The following SGO1 variants were observed in gnomAD, a reference collection of about 807,000 sequenced individuals.
SGO1 encodes shugoshin 1, also known as serologically defined breast cancer antigen NY-BR-85.
SGO1 carries 39 observed loss-of-function variants against 50.5 expected under a neutral mutation model. That is an observed-to-expected ratio of 0.77 (90% CI 0.60 to 1.01). The LOEUF (loss-of-function observed/expected upper bound fraction) is 1.01, where lower values mean the gene tolerates loss of function less well. Among genes scored for constraint, SGO1 ranks in the 50% least tolerant of loss-of-function variants. SGO1 has a pLI of 0.00. For synonymous variants in SGO1, 191 were observed against 205.1 expected (o/e 0.93, Z 0.59); for missense variants, 638 against 606.0 (o/e 1.05, Z -0.55).
chr3:20,183,314 A>G (rs1011175364), intron 3 of SGO1, among the ~76,000 whole-genome samples: 1 of 152,220 alleles, frequency 6.6e-6, no homozygotes, highest in African/African-American at 2.4e-5. Context: ...TGACTCACTT[A>G]GTTGAACATT....
At chr3:20,161,140 T>C (rs1181534553) in exon 9 of SGO1, 1 of 1,613,832 alleles carries the variant, frequency 6.2e-7, no homozygotes, top group Non-Finnish European at 8.5e-7. Flanking sequence ...AGTTTACATT[T>C]CCTACAGTCT....
chr3:20,176,732 T>C, intron 4 of SGO1, 73 bp from the exon 5 acceptor site: 1 of 1,051,952 alleles, frequency 9.5e-7, no homozygotes, highest in Non-Finnish European at 1.4e-6. Flanking sequence ...TTTCCTAAAT[T>C]ATAATTTTTC....
rs9868701 is a variant in SGO1 at position 20,174,566 on chromosome 3, T to C, written c.965A>G (p.Gln322Arg). ...NKSENKKTVPQKKMHKSVSSN... is the reference protein window; with the variant it reads ...NKSENKKTVPRKKMHKSVSSN... The stretch of plus-strand genomic sequence containing the variant: ...ACTGACAGATTTGTGCATTTTTTTT[T>C]GGGGAACAGTTTTTTTATTTTCGCT... Residue 322 changes from glutamine to arginine, a missense_variant, in exon 6 of 8, where the codon CAA becomes CGA. Gln to Arg is a conservative substitution (Grantham distance 43). Coordinates refer to ENST00000412997, the MANE Select transcript of SGO1 (RefSeq NM_001199251.3). 1.9e-6 allele frequency: 3 copies of C among 1,605,200 alleles called. No homozygotes were observed. Among genetic ancestry groups the C allele is most frequent in the South Asian group, 1.1e-5 (1 of 88,130 alleles).
intron 8 of SGO1, among the ~76,000 whole-genome samples, chr3:20,164,117 A>G (rs952272147): frequency 6.6e-6 from 1 of 152,224 alleles, no homozygotes; most frequent in Non-Finnish European, 1.5e-5. Context: ...AAAGCTAGAA[A>G]AAATTTAAGA....
intron 6 of SGO1, 65 bp from the exon 7 acceptor site, chr3:20,171,297 C>T: frequency 7.4e-7 from 1 of 1,344,500 alleles, no homozygotes; most frequent in Non-Finnish European, 1.0e-6. Context: ...TTAAATTGTA[C>T]TCAATTGTAT....
chr3:20,170,113 T>C lies in SGO1; in HGVS notation c.*591A>G, dbSNP rs1272898901. 2 of 985,226 alleles carry C rather than the reference T, an allele frequency of 2.0e-6. No individual in the cohort carries two copies. Among genetic ancestry groups the C allele is most frequent in the Non-Finnish European group, 2.4e-6 (2 of 829,728 alleles). The allele number at this position is 985,226 out of a possible 1,614,324, so 61.0% of individuals were successfully genotyped here. ...TCATTTCTACAATGTTTGTATAAGA[T>C]ACATTTTGGGCTGGGCACAGTGGCT... On this transcript the variant is annotated 3_prime_UTR_variant, in exon 8 of 8. Transcript: ENST00000412997.
intron 3 of SGO1, among the ~76,000 whole-genome samples, chr3:20,179,404 A>C (rs549406205): frequency 6.6e-5 from 10 of 152,220 alleles, no homozygotes; most frequent in Non-Finnish European, 1.3e-4. Context: ...GAGAGGGTAT[A>C]AGATGAGTCT....
upstream of SGO1, chr3:20,186,414 C>G (rs1025097893): frequency 2.0e-5 from 3 of 152,336 alleles, no homozygotes; most frequent in Admixed American, 2.0e-4. Context: ...ACTTTCTAAT[C>G]AGAGTCGTGG....
chr3:20,180,704 T>C (rs531296732), intron 3 of SGO1, among the ~76,000 whole-genome samples: 2 of 152,332 alleles, frequency 1.3e-5, no homozygotes, highest in South Asian at 4.1e-4. Context: ...AGATGACAAT[T>C]CTCACTCAAT....
intron 5 of SGO1, 66 bp downstream of exon 5, chr3:20,176,535 G>T (rs1701408545): frequency 9.6e-6 from 9 of 935,232 alleles, no homozygotes; most frequent in Middle Eastern, 2.5e-4. Flanking sequence ...AAATTTAATT[G>T]TATTATTTGT....
intron 1 of SGO1, among the ~76,000 whole-genome samples, 187 bp from the exon 2 acceptor site, chr3:20,184,221 C>G (rs914954893): frequency 6.6e-6 from 1 of 152,148 alleles, no homozygotes; most frequent in Non-Finnish European, 1.5e-5. Context: ...CTGATATTCT[C>G]TCTTCCTCCT....
chr3:20,165,494 G>A (rs183031371), downstream of SGO1, among the ~76,000 whole-genome samples: 325 of 152,198 alleles, frequency 2.1e-3, 2 homozygotes, highest in African/African-American at 7.5e-3. Context: ...ATTCCCAAGG[G>A]AGAAAAATTA....
chr3:20,166,329 A>G (rs1480038936), downstream of SGO1, among the ~76,000 whole-genome samples: 1 of 152,208 alleles, frequency 6.6e-6, no homozygotes, highest in Non-Finnish European at 1.5e-5. Context: ...CATTTCTTCA[A>G]AGATATACAA....
chr3:20,183,535 T>C (rs548860133), intron 3 of SGO1, 73 bp downstream of exon 3: 5 of 1,213,606 alleles, frequency 4.1e-6, no homozygotes, highest in African/African-American at 3.1e-5. Flanking sequence ...TTCATTTAAA[T>C]AACATAATTG....
rs561060480 is a variant in SGO1 at position 20,170,300 on chromosome 3, A to T, written c.*404T>A. 35 of 506,448 alleles carry T rather than the reference A, an allele frequency of 6.9e-5. No homozygotes were observed. Among genetic ancestry groups the T allele is most frequent in the African/African-American group, 8.4e-5 (4 of 47,878 alleles). 31.4% of individuals were successfully genotyped at this position (506,448 alleles called of 1,614,324 possible). A position where few individuals can be genotyped will look rare whatever the true frequency, so the allele number is the denominator to read the frequency against. On this transcript the variant is annotated 3_prime_UTR_variant, in exon 8 of 8. Transcript: ENST00000412997. Reference sequence around the variant, plus strand: ...GTAGTCCCAGCTACTCGGGAGTCTGAGGCAGGAGAATCGCTTGAACCTGGG... The same window carrying T: ...GTAGTCCCAGCTACTCGGGAGTCTGTGGCAGGAGAATCGCTTGAACCTGGG...
In SGO1 at chr3:20,183,866, A is replaced by T; in HGVS notation, c.142+20T>A. ...CTAAACTTAAAAGTGATATAAAAGG[A>T]CAACATAAAAATCTCTTACTGATTA... On this transcript the variant is annotated intron_variant, in intron 2 of 7. Coordinates refer to ENST00000412997, the MANE Select transcript of SGO1 (RefSeq NM_001199251.3). 1 of 1,604,874 alleles carries T rather than the reference A, an allele frequency of 6.2e-7. No individual in the cohort carries two copies. The highest frequency in any genetic ancestry group is 8.5e-7 in the Non-Finnish European group (1 of 1,177,984).
In SGO1 at chr3:20,186,092, C is replaced by T. The variant is rs1184333449; in HGVS notation, c.-152G>A. On this transcript the variant is annotated 5_prime_UTR_variant, in exon 1 of 8. Transcript: ENST00000412997. ...CTACTTCTGCAACAGCTATCTTCCT[C>T]CTCCTCACATTTCAAGGCTCTTCGA... is the stretch of plus-strand genomic sequence containing the variant. 7 of 152,750 alleles carry T rather than the reference C, an allele frequency of 4.6e-5. No homozygotes were observed. The highest frequency in any genetic ancestry group is 1.4e-4 in the African/African-American group (6 of 41,482). 9.5% of individuals were successfully genotyped at this position (152,750 alleles called of 1,614,324 possible). A position where few individuals can be genotyped will look rare whatever the true frequency, so the allele number is the denominator to read the frequency against.
At position 20,183,743 on chromosome 3, in the gene SGO1, C is replaced by G; in HGVS notation, c.204G>C (p.Leu68Phe). Reference protein sequence around the residue: ...QDNNKMLVLALENEKSKVKEA... With the variant: ...QDNNKMLVLAFENEKSKVKEA... ...CTTTCACTTTGGATTTTTCATTTTC[C>G]AAAGCTAAAACTAACATTTTGTTGT... The change falls in exon 3 of 8, where the codon TTG becomes TTC. Residue 68 changes from leucine (L) to phenylalanine (F), a missense_variant. Transcript: ENST00000412997. The G allele has an allele frequency of 1.2e-6, 2 of 1,613,264 alleles. No individual in the cohort carries two copies. The highest frequency in any genetic ancestry group is 1.7e-6 in the Non-Finnish European group (2 of 1,179,768).
intron 5 of SGO1, among the ~76,000 whole-genome samples, chr3:20,175,707 G>A (rs547341460): frequency 2.6e-5 from 4 of 152,050 alleles, no homozygotes; most frequent in African/African-American, 7.2e-5. Context: ...ACTGAGGCAG[G>A]AGAATGGCGT....
Sources: allele counts gnomAD v4.1 joint callset (sites outside exome capture counted in the v4.1 genomes callset), GRCh38; gene constraint gnomAD v4.1.1; transcripts MANE v1.5; gene names NCBI Gene and HGNC (gene_info 2026-07-23, HGNC 2026-07-21).